Variants in BCAR3 observed in about 807,000 individuals in gnomAD.
BCAR3 encodes breast cancer anti-estrogen resistance protein 3.
BCAR3 carries 37 observed loss-of-function variants against 80.1 expected under a neutral mutation model. The ratio of observed to expected loss-of-function variants is 0.46; its 90% CI spans 0.36 to 0.61. The LOEUF (loss-of-function observed/expected upper bound fraction) is 0.61. BCAR3 is among the 20% of genes least tolerant of loss of function. The probability of loss-of-function intolerance (pLI) is 0.00; values close to 1 mark genes in which losing one functional copy is unlikely to be tolerated. For synonymous variants in BCAR3, 389 were observed against 418.9 expected, an observed-to-expected ratio of 0.93 and a Z score of 0.87; for missense variants, 978 against 1,068.2, an observed-to-expected ratio of 0.92 and a Z score of 1.18.
chr1:93,747,893 T>C (rs1651412999), intron 2 of BCAR3, among the ~76,000 whole-genome samples: 1 of 142,846 alleles, frequency 7.0e-6, no homozygotes, highest in African/African-American at 2.7e-5. Context: ...TTGTTTACTA[T>C]GATCCTGGAG....
chr1:93,698,557 A>G (rs908608857), intron 3 of BCAR3, among the ~76,000 whole-genome samples: 2 of 152,048 alleles, frequency 1.3e-5, no homozygotes, highest in African/African-American at 4.8e-5. Context: ...GCCTACCCCA[A>G]CCACGAGGCC....
At chr1:93,805,389 T>C (rs1379486152) in intron 2 of BCAR3, among the ~76,000 whole-genome samples, 1 of 152,216 alleles carries the variant, frequency 6.6e-6, no homozygotes, top group Non-Finnish European at 1.5e-5. Flanking sequence ...AAAATGGGGC[T>C]GAAAGCCATT....
intron 2 of BCAR3, among the ~76,000 whole-genome samples, chr1:93,799,263 AG>A (rs1653393671): frequency 6.6e-6 from 1 of 152,224 alleles, no homozygotes; most frequent in South Asian, 2.1e-4. Flanking sequence ...CCATAAACAA[AG>A]AACAAAAATG....
intron 2 of BCAR3, among the ~76,000 whole-genome samples, chr1:93,819,226 C>T (rs902485559): frequency 2.6e-5 from 4 of 152,202 alleles, no homozygotes; most frequent in South Asian, 2.1e-4. Flanking sequence ...GCTGCCACAC[C>T]CAGTTATTTT....
intron 3 of BCAR3, among the ~76,000 whole-genome samples, chr1:93,606,627 G>C (rs1674778561): frequency 6.6e-6 from 1 of 152,182 alleles, no homozygotes; most frequent in Admixed American, 6.5e-5. Flanking sequence ...GGGCCATGGG[G>C]TCCAGGTGCT....
upstream of BCAR3, among the ~76,000 whole-genome samples, chr1:93,682,013 G>T (rs1034015103): frequency 6.6e-6 from 1 of 151,874 alleles, no homozygotes. Flanking sequence ...TCTCCCCAAG[G>T]AGCCAGTCCT....
chr1:93,671,526 G>C (rs1648201850), intron 2 of BCAR3, among the ~76,000 whole-genome samples: 1 of 152,192 alleles, frequency 6.6e-6, no homozygotes, highest in Admixed American at 6.5e-5. Context: ...ATCTGGGCAA[G>C]TCACTGTCAA....
chr1:93,655,386 G>T (rs1647324763), intron 2 of BCAR3, among the ~76,000 whole-genome samples: 1 of 152,180 alleles, frequency 6.6e-6, no homozygotes, highest in Non-Finnish European at 1.5e-5. Flanking sequence ...ACTAGAGTGT[G>T]GGAGGTGGGG....
intron 2 of BCAR3, among the ~76,000 whole-genome samples, chr1:93,802,369 C>T (rs1348400226): frequency 1.3e-5 from 2 of 152,022 alleles, no homozygotes; most frequent in African/African-American, 4.8e-5. Context: ...CTTTGACACC[C>T]ATTCCCTTGC....
At chr1:93,573,305 G>C (rs1412852146) in intron 8 of BCAR3, among the ~76,000 whole-genome samples, 3 of 152,144 alleles carry the variant, frequency 2.0e-5, no homozygotes, top group Non-Finnish European at 2.9e-5. Context: ...GCTGAGGAAT[G>C]AGAATCGCTT....
intron 3 of BCAR3, among the ~76,000 whole-genome samples, chr1:93,616,298 C>T (rs1198015503): frequency 6.6e-6 from 1 of 152,194 alleles, no homozygotes; most frequent in Non-Finnish European, 1.5e-5. Context: ...TCTGAAGCAG[C>T]ACTCAAAGGT....
intron 3 of BCAR3, chr1:93,605,295 A>G (rs1030000877): frequency 3.9e-5 from 6 of 152,366 alleles, no homozygotes; most frequent in Admixed American, 1.3e-4. Context: ...AAGGGCTTTG[A>G]TAAAAGCTAA....
chr1:93,575,956 G>T, intron 8 of BCAR3, 58 bp downstream of exon 8: 1 of 1,485,216 alleles, frequency 6.7e-7, no homozygotes. Context: ...AAAACCTGCT[G>T]CTCTGATGCC....
upstream of BCAR3, among the ~76,000 whole-genome samples, chr1:93,681,990 G>A (rs895201957): frequency 1.3e-5 from 2 of 151,682 alleles, no homozygotes; most frequent in African/African-American, 4.8e-5. Context: ...TTTAGAGTTT[G>A]GCTCTCTTCG....
intron 3 of BCAR3, among the ~76,000 whole-genome samples, chr1:93,610,323 A>C (rs1424134732): frequency 3.3e-5 from 5 of 152,008 alleles, no homozygotes; most frequent in Admixed American, 6.6e-5. Flanking sequence ...GGCCTTCTGC[A>C]CTCCTGCAAA....
intron 2 of BCAR3, among the ~76,000 whole-genome samples, chr1:93,733,588 C>A (rs984951230): frequency 6.6e-6 from 1 of 152,214 alleles, no homozygotes; most frequent in Non-Finnish European, 1.5e-5. Context: ...GTACCCCAGA[C>A]AAAAGGCACA....
At chr1:93,704,311 T>G (rs1472437019) in intron 3 of BCAR3, among the ~76,000 whole-genome samples, 1 of 145,922 alleles carries the variant, frequency 6.9e-6, no homozygotes, top group East Asian at 2.0e-4. Flanking sequence ...AGAAGTCTGG[T>G]GTGACTGGAG....
chr1:93,632,644 AG>A (rs755488442), intron 3 of BCAR3, among the ~76,000 whole-genome samples: 8 of 152,240 alleles, frequency 5.3e-5, no homozygotes, highest in Non-Finnish European at 1.2e-4. Flanking sequence ...TTATAGGAAA[AG>A]CAGCCACAGA....
intron 3 of BCAR3, among the ~76,000 whole-genome samples, chr1:93,629,670 C>A (rs1351517448): frequency 1.3e-5 from 2 of 152,180 alleles, no homozygotes; most frequent in Non-Finnish European, 2.9e-5. Context: ...GAGGGCAGAG[C>A]TTAACAGCAA....
Sources: gnomAD v4.1 joint callset for allele counts (sites outside exome capture counted in the v4.1 genomes callset) on GRCh38, gnomAD v4.1.1 for gene constraint, MANE v1.5 for transcripts, NCBI Gene and HGNC (gene_info 2026-07-23, HGNC 2026-07-21) for gene names.